The following BTG4 variants were observed in gnomAD, a reference collection of about 807,000 sequenced individuals.
BTG4 encodes BTG anti-proliferation factor 4.
A neutral mutation model predicts 19.3 loss-of-function variants in BTG4; 10 were observed. The observed-to-expected ratio is 0.52, with a 90% CI of 0.32 to 0.88. BTG4 has a LOEUF of 0.88. Ranked by LOEUF, BTG4 falls within the 40% of genes least tolerant of loss-of-function variation. The pLI is 0.04. For synonymous variants in BTG4, 91 were observed against 95.7 expected, an observed-to-expected ratio of 0.95 and a Z score of 0.29; for missense variants, 238 against 281.9, an observed-to-expected ratio of 0.84 and a Z score of 1.11.
the BTG4 span, among the ~76,000 whole-genome samples, chr11:111,438,030 A>G: frequency 1.3e-5 from 2 of 152,180 alleles, no homozygotes; most frequent in African/African-American, 2.4e-5. Flanking sequence ...TACACCCACC[A>G]GGAAGTAGAG....
At chr11:111,467,619 C>T (rs1295815975) in exon 6 of BTG4, 2 of 750,916 alleles carry the variant, frequency 2.7e-6, no homozygotes, top group South Asian at 1.5e-5. Context: ...AAGGCAGTGC[C>T]TTCCAAGGTG....
upstream of BTG4, chr11:111,514,547 C>T: frequency 1.9e-6 from 1 of 533,788 alleles, no homozygotes. Flanking sequence ...CGACAGGACA[C>T]AACCCAAAGT....
chr11:111,424,290 C>G, the BTG4 span, among the ~76,000 whole-genome samples: 1 of 152,216 alleles, frequency 6.6e-6, no homozygotes, highest in Admixed American at 6.5e-5. Context: ...AGCAAGGAAA[C>G]TAGCCTGGGC....
chr11:111,504,672 T>G (rs1866327232), intron 1 of BTG4, among the ~76,000 whole-genome samples: 1 of 151,976 alleles, frequency 6.6e-6, no homozygotes, highest in Admixed American at 6.6e-5. Context: ...AAAGTAGAAG[T>G]CAAATTATCT....
At position 111,474,825 on chromosome 11, in the gene BTG4, C is replaced by T. The variant is rs1864304653; in HGVS notation, c.663-7144G>A. On this transcript the variant is annotated intron_variant, in intron 5 of 5. Coordinates refer to the BTG4 transcript ENST00000356018. ...CACTTAGTATTTTACATCTTTTTTA[C>T]TGTTTTCATTTTTCTGGTGTGTGGT... Among the ~76,000 whole-genome samples the T allele has an allele frequency of 3.9e-5, 6 of 152,236 alleles. No homozygotes were observed. The Middle Eastern group carries it at 0.014, about 345-fold the overall frequency.
the BTG4 span, among the ~76,000 whole-genome samples, chr11:111,394,824 T>TA: frequency 6.6e-6 from 1 of 152,226 alleles, no homozygotes; most frequent in Admixed American, 6.5e-5. Flanking sequence ...GACTGCCACT[T>TA]ACCAAGATAT....
chr11:111,509,561 T>C (rs1384796536), intron 1 of BTG4, among the ~76,000 whole-genome samples: 5 of 151,510 alleles, frequency 3.3e-5, no homozygotes, highest in Non-Finnish European at 7.4e-5. Context: ...CCAGGCATGG[T>C]GGTGGGCGCC....
In BTG4 at chr11:111,483,404, C is replaced by T. The variant is rs138947020; in HGVS notation, c.662+11759G>A. 1.3e-4 allele frequency among the ~76,000 whole-genome samples: 20 copies of T among 152,148 alleles called. 1 individual carries two copies. Among genetic ancestry groups the T allele is most frequent in the African/African-American group, 4.8e-4 (20 of 41,512 alleles). On this transcript the variant is annotated intron_variant, in intron 5 of 5. Coordinates refer to the BTG4 transcript ENST00000356018. Reference sequence around the variant, plus strand: ...CTAAATTAGACACCAGTGACCAATCCCACAGTGATGAAGATATCATCTTTC... The same window carrying T: ...CTAAATTAGACACCAGTGACCAATCTCACAGTGATGAAGATATCATCTTTC...
At chr11:111,439,888 G>T in the BTG4 span, among the ~76,000 whole-genome samples, 2 of 152,218 alleles carry the variant, frequency 1.3e-5, no homozygotes, top group African/African-American at 4.8e-5. Flanking sequence ...GGAATTGGAA[G>T]TTGGTCATTG....
the BTG4 span, among the ~76,000 whole-genome samples, chr11:111,401,357 C>T: frequency 3.3e-5 from 5 of 152,112 alleles, no homozygotes; most frequent in South Asian, 1.0e-3. Context: ...GTGGAGGCGC[C>T]TGTAGTCCCA....
At chr11:111,389,907 A>G in the BTG4 span, among the ~76,000 whole-genome samples, 6 of 152,246 alleles carry the variant, frequency 3.9e-5, no homozygotes, top group African/African-American at 2.4e-5. Flanking sequence ...TGTGCCTTCC[A>G]GCTCACAAAG....
chr11:111,445,683 C>A, the BTG4 span, among the ~76,000 whole-genome samples: 1 of 152,196 alleles, frequency 6.6e-6, no homozygotes, highest in East Asian at 1.9e-4. Context: ...ACCTGAAAAG[C>A]AACCTGAACT....
chr11:111,514,153 G>A (rs989534675), upstream of BTG4: 9 of 153,826 alleles, frequency 5.9e-5, no homozygotes, highest in African/African-American at 2.2e-4. Flanking sequence ...CTTCTTTTAA[G>A]TAATCATTTA....
the BTG4 span, among the ~76,000 whole-genome samples, chr11:111,388,212 TA>T: frequency 6.6e-6 from 1 of 152,282 alleles, no homozygotes; most frequent in East Asian, 1.9e-4. Flanking sequence ...ATACTTACTA[TA>T]AAGAGATATT....
the BTG4 span, among the ~76,000 whole-genome samples, chr11:111,433,114 T>A: frequency 1.2e-3 from 188 of 152,338 alleles, no homozygotes; most frequent in African/African-American, 4.2e-3. Flanking sequence ...CAGAATTCAT[T>A]AGTAAACCAG....
intron 5 of BTG4, among the ~76,000 whole-genome samples, chr11:111,480,393 G>T (rs1211401965): frequency 2.0e-5 from 3 of 151,992 alleles, no homozygotes; most frequent in Admixed American, 2.0e-4. Context: ...CCTCCTCTCA[G>T]CAATTTATAG....
At chr11:111,466,924 T>A (rs1863753738), downstream of BTG4, 1 of 152,634 alleles carries the variant, frequency 6.6e-6, no homozygotes, top group African/African-American at 2.4e-5. Context: ...ATGGAGCAGT[T>A]ACTCATGGAG....
chr11:111,458,667 A>T, the BTG4 span, among the ~76,000 whole-genome samples: 1 of 152,124 alleles, frequency 6.6e-6, no homozygotes, highest in East Asian at 1.9e-4. Context: ...CCACGAATAA[A>T]CGCAAGAAAG....
At chr11:111,507,489 C>T (rs1866539825) in intron 1 of BTG4, among the ~76,000 whole-genome samples, 1 of 152,040 alleles carries the variant, frequency 6.6e-6, no homozygotes, top group Non-Finnish European at 1.5e-5. Flanking sequence ...TACAGAAGAT[C>T]ATTGATCCTT....
Sources: gnomAD v4.1 joint callset for allele counts (sites outside exome capture counted in the v4.1 genomes callset) on GRCh38, gnomAD v4.1.1 for gene constraint, MANE v1.5 for transcripts, NCBI Gene and HGNC (gene_info 2026-07-23, HGNC 2026-07-21) for gene names.